BATF2: variants seen among roughly 807,000 people sequenced by gnomAD.
The protein encoded by BATF2 is basic leucine zipper ATF-like transcription factor 2.
Under a neutral mutation model 7.3 loss-of-function variants are expected in BATF2, and 4 were observed. The ratio of observed to expected loss-of-function variants is 0.55; its 90% confidence interval spans 0.27 to 1.26. BATF2 has a LOEUF of 1.26. Among genes scored for constraint, BATF2 ranks in the 50% most tolerant of loss-of-function variants. BATF2 has a pLI of 0.11. For missense variants in BATF2, 295 were observed against 340.5 expected, an observed-to-expected ratio of 0.87 and a Z score of 1.05; for synonymous variants, 152 against 153.9, an observed-to-expected ratio of 0.99 and a Z score of 0.09.
chr11:64,990,800 C>T (rs567920866), intron 2 of BATF2, among the ~76,000 whole-genome samples: 1 of 151,540 alleles, frequency 6.6e-6, no homozygotes, highest in East Asian at 1.9e-4. Flanking sequence ...ACTCAAAGTT[C>T]TTTTTTTTGA....
intron 2 of BATF2, among the ~76,000 whole-genome samples, chr11:64,992,483 G>A (rs2136878589): frequency 1.3e-5 from 2 of 152,292 alleles, no homozygotes; most frequent in East Asian, 1.9e-4. Context: ...TTAGAGATAA[G>A]GCTCTTAGAA....
chr11:64,992,544 G>T (rs1590720968), intron 2 of BATF2, among the ~76,000 whole-genome samples: 1 of 151,940 alleles, frequency 6.6e-6, no homozygotes, highest in African/African-American at 2.4e-5. Context: ...GTTCTAATCT[G>T]ATAGGATTGG....
intron 2 of BATF2, chr11:64,990,037 C>T: frequency 6.5e-7 from 1 of 1,537,360 alleles, no homozygotes; most frequent in South Asian, 1.2e-5. Context: ...CTGCTGTCAT[C>T]CCACCACTAG....
chr11:64,992,104 T>C (rs1946081865), intron 2 of BATF2, among the ~76,000 whole-genome samples: 1 of 152,128 alleles, frequency 6.6e-6, no homozygotes, highest in African/African-American at 2.4e-5. Context: ...CGACCTCAGC[T>C]CACTGCAACC....
At chr11:64,990,047 G>C (rs1443584046) in intron 2 of BATF2, 1 of 1,537,198 alleles carries the variant, frequency 6.5e-7, no homozygotes, top group African/African-American at 1.4e-5. Flanking sequence ...CCCACCACTA[G>C]TGCCCTGAGC....
intron 2 of BATF2, among the ~76,000 whole-genome samples, chr11:64,992,583 G>A (rs1025267724): frequency 2.0e-5 from 3 of 152,046 alleles, no homozygotes; most frequent in Admixed American, 2.0e-4. Flanking sequence ...GAAGGAGGCT[G>A]GGAGCGGTGG....
intron 2 of BATF2, chr11:64,990,653 A>G (rs1310782312): frequency 1.9e-5 from 19 of 990,278 alleles, no homozygotes; most frequent in Admixed American, 1.6e-4. Flanking sequence ...GTAAAAATGC[A>G]GAAAGAATTT....
chr11:64,991,551 A>G (rs150700434), intron 2 of BATF2, among the ~76,000 whole-genome samples: 1 of 152,320 alleles, frequency 6.6e-6, no homozygotes, highest in African/African-American at 2.4e-5. Context: ...TCACTCACTC[A>G]TTCATTTATT....
Position 64,989,998 on chromosome 11 carries a change from C to T in BATF2, c.142-186G>A. The T allele has an allele frequency of 6.6e-7, 1 of 1,523,492 alleles. No homozygotes were observed. The highest frequency in any genetic ancestry group is 2.0e-5 in the Admixed American group (1 of 50,960). The allele number at this position is 1,523,492 out of a possible 1,614,324, so 94.4% of individuals were successfully genotyped here. A position where few individuals can be genotyped will look rare whatever the true frequency, so the allele number is the denominator to read the frequency against. ...TAACCACCTACCAAGTCTCCCCTGTCCCACCCTCTGAAGGGGGCTCAGATC... is the reference window on the plus strand; with the variant it reads ...TAACCACCTACCAAGTCTCCCCTGTTCCACCCTCTGAAGGGGGCTCAGATC... On this transcript the variant is annotated intron_variant, in intron 2 of 2. Transcript: ENST00000301887. This position sits in a 1 kb window ranked among gnomAD's most constrained non-coding sequence, Gnocchi z 4.3.
At position 64,989,971 on chromosome 11, in the gene BATF2, C is replaced by T. The variant is rs1237093986; in HGVS notation, c.142-159G>A. 5 of 1,483,152 alleles carry T rather than the reference C, an allele frequency of 3.4e-6. No individual in the cohort carries two copies. Among genetic ancestry groups the T allele is most frequent in the South Asian group, 2.4e-5 (2 of 82,726 alleles). 91.9% of individuals were successfully genotyped at this position (1,483,152 alleles called of 1,614,324 possible). On this transcript the variant is annotated intron_variant, in intron 2 of 2. Coordinates refer to ENST00000301887, the MANE Select transcript of BATF2 (RefSeq NM_138456.4). The surrounding 1 kb of genome is among the most constrained non-coding windows in gnomAD (Gnocchi z 4.3). ...CTTGGCCACTCTCTGGCCAGCCCTT[C>T]ATAACCACCTACCAAGTCTCCCCTG...
rs1946054867 is a variant in BATF2 at position 64,989,526 on chromosome 11, T to C, written c.428A>G (p.His143Arg). ...AQPLSPGPQPHDSPSLLQCPL... is the reference protein window; with the variant it reads ...AQPLSPGPQPRDSPSLLQCPL... ...GCACTGGAGGAGGCTGGGAGAATCA[T>C]GAGGCTGTGGACCTGGAGAGAGCGG... The change falls in exon 3 of 3, where the codon CAT (histidine) becomes CGT (arginine). Residue 143 changes from histidine to arginine, a missense_variant. Coordinates refer to ENST00000301887, the MANE Select transcript of BATF2 (RefSeq NM_138456.4). The surrounding 1 kb of genome is among the most constrained non-coding windows in gnomAD (Gnocchi z 4.3). 1.3e-6 allele frequency: 2 copies of C among 1,596,064 alleles called. No individual in the cohort carries two copies. The highest frequency in any genetic ancestry group is 2.3e-5 in the East Asian group (1 of 44,066).
At chr11:64,991,208 G>T (rs942550805) in intron 2 of BATF2, among the ~76,000 whole-genome samples, 1 of 147,798 alleles carries the variant, frequency 6.8e-6, no homozygotes, top group African/African-American at 2.5e-5. Flanking sequence ...CCAGGCTGGA[G>T]TGCAATGGCA....
Position 64,988,382 on chromosome 11 carries a change from T to G in BATF2, c.*747A>C, listed in dbSNP as rs990322936. The stretch of plus-strand genomic sequence containing the variant: ...AGATGAATGGCTCTTCTGCTGTGGC[T>G]TTAGGGGCAGTGGGGAGGCAGGGAG... On this transcript the variant is annotated 3_prime_UTR_variant, in exon 3 of 3. Coordinates refer to ENST00000301887, the MANE Select transcript of BATF2 (RefSeq NM_138456.4). The G allele has an allele frequency of 3.3e-5, 5 of 152,276 alleles. No individual in the cohort carries two copies. The highest frequency in any genetic ancestry group is 5.9e-5 in the Non-Finnish European group (4 of 68,158). The allele number at this position is 152,276 out of a possible 1,614,324, so 9.4% of individuals were successfully genotyped here. A position where few individuals can be genotyped will look rare whatever the true frequency, so the allele number is the denominator to read the frequency against.
intron 1 of BATF2, among the ~76,000 whole-genome samples, chr11:64,995,085 C>T (rs1946101348): frequency 6.6e-6 from 1 of 152,148 alleles, no homozygotes; most frequent in Non-Finnish European, 1.5e-5. Context: ...GTCTTGAACT[C>T]CTGACCTCAG....
chr11:64,996,787 G>A, intron 1 of BATF2, 89 bp downstream of exon 1: 1 of 1,508,870 alleles, frequency 6.6e-7, no homozygotes, highest in South Asian at 1.2e-5. Context: ...GGGACTAGGA[G>A]CTCCCGACTG....
chr11:64,990,116 A>T, intron 2 of BATF2: 1 of 1,535,056 alleles, frequency 6.5e-7, no homozygotes, highest in Non-Finnish European at 8.7e-7. Flanking sequence ...CCCCCAAACC[A>T]CCTATTCTCT....
At chr11:64,996,118 G>A (rs1424934512) in intron 1 of BATF2, among the ~76,000 whole-genome samples, 1 of 151,420 alleles carries the variant, frequency 6.6e-6, no homozygotes, top group East Asian at 1.9e-4. Context: ...CCTCCACCAC[G>A]CCCAGCTAAT....
intron 1 of BATF2, among the ~76,000 whole-genome samples, chr11:64,995,516 A>G (rs1946103990): frequency 6.6e-6 from 1 of 152,232 alleles, no homozygotes; most frequent in Non-Finnish European, 1.5e-5. Context: ...GTGGGGTGGT[A>G]GCGAAGGATG....
At chr11:64,990,146 G>A (rs1262436376) in intron 2 of BATF2, 2 of 1,535,718 alleles carry the variant, frequency 1.3e-6, no homozygotes, top group Non-Finnish European at 1.7e-6. Flanking sequence ...GAGCCATTCA[G>A]CAACCATGTC....
Sources: allele counts gnomAD v4.1 joint callset (sites outside exome capture counted in the v4.1 genomes callset), GRCh38; gene constraint gnomAD v4.1.1; non-coding constraint Gnocchi (gnomAD v3.1); transcripts MANE v1.5; gene names NCBI Gene and HGNC (gene_info 2026-07-23, HGNC 2026-07-21).